Variants in RYR3 observed in about 807,000 individuals in gnomAD.
RYR3 encodes ryanodine receptor 3.
RYR3 carries 207 observed loss-of-function variants against 584.3 expected under a neutral mutation model. The observed-to-expected ratio is 0.35, with a 90% CI of 0.32 to 0.40. The LOEUF (loss-of-function observed/expected upper bound fraction) is 0.40. Ranked by LOEUF, RYR3 falls within the 10% of genes least tolerant of loss-of-function variation. The pLI is 1.00. For missense variants in RYR3, 5,616 were observed against 6,089.2 expected, an observed-to-expected ratio of 0.92 and a Z score of 2.59; for synonymous variants, 2,416 against 2,248.5, an observed-to-expected ratio of 1.07 and a Z score of -2.11.
At chr15:33,498,481 G>A (rs2051640682) in intron 2 of RYR3, among the ~76,000 whole-genome samples, 1 of 152,080 alleles carries the variant, frequency 6.6e-6, no homozygotes, top group Non-Finnish European at 1.5e-5. Context: ...CTTCTTTTGA[G>A]AAATGTTTAT....
intron 40 of RYR3, among the ~76,000 whole-genome samples, chr15:33,698,293 A>G (rs2152768092): frequency 6.6e-6 from 1 of 152,292 alleles, no homozygotes; most frequent in South Asian, 2.1e-4. Flanking sequence ...GGAATCACTC[A>G]CTTCCACTTA....
intron 1 of RYR3, among the ~76,000 whole-genome samples, chr15:33,351,439 G>A (rs1410541831): frequency 5.3e-5 from 8 of 149,774 alleles, no homozygotes; most frequent in East Asian, 2.0e-4. Context: ...TACCAAAGCC[G>A]GGCAGAGACA....
intron 38 of RYR3, among the ~76,000 whole-genome samples, chr15:33,678,906 TC>T (rs949336740): frequency 6.6e-6 from 1 of 152,158 alleles, no homozygotes; most frequent in African/African-American, 2.4e-5. Flanking sequence ...AATCACAACA[TC>T]CTTGTTCTAG....
chr15:33,668,352 CAAAATT>C (rs1213676175), intron 36 of RYR3, among the ~76,000 whole-genome samples: 1 of 151,626 alleles, frequency 6.6e-6, no homozygotes, highest in Non-Finnish European at 1.5e-5. Flanking sequence ...AACTTGTAGA[CAAAATT>C]AAAAGCTGAC....
Position 33,837,621 on chromosome 15 carries a change from T to C in RYR3, c.11651-10T>C. 6.4e-7 allele frequency: 1 copy of C among 1,560,280 alleles called. No individual in the cohort carries two copies. Among genetic ancestry groups the C allele is most frequent in the East Asian group, 2.3e-5 (1 of 44,154 alleles). On this transcript the variant is annotated splice_polypyrimidine_tract_variant and intron_variant, in intron 88 of 103. Transcript: ENST00000634891. ...GTATATTTGTATGTCTTTTTGAACC[T>C]GCCTCACAGGGAATGTGGTAAATGG...
At chr15:33,537,662 G>A (rs543990864) in intron 5 of RYR3, among the ~76,000 whole-genome samples, 4 of 152,242 alleles carry the variant, frequency 2.6e-5, no homozygotes, top group East Asian at 1.9e-4. Flanking sequence ...AGCTAAGAGC[G>A]TCTCTTGTGC....
At chr15:33,314,929 C>CA (rs201699049) in intron 1 of RYR3, among the ~76,000 whole-genome samples, 11,686 of 97,406 alleles carry the variant, frequency 0.12, 518 homozygotes, top group Middle Eastern at 0.16. Context: ...AAACAAACAA[C>CA]AAAAAAAAAA....
At chr15:33,682,411 C>A (rs1370088089) in intron 38 of RYR3, among the ~76,000 whole-genome samples, 2 of 151,832 alleles carry the variant, frequency 1.3e-5, no homozygotes, top group African/African-American at 2.4e-5. Flanking sequence ...CTAAACAATA[C>A]AGTGCCTTGG....
At chr15:33,489,418 C>G (rs969955697) in intron 2 of RYR3, among the ~76,000 whole-genome samples, 7 of 152,152 alleles carry the variant, frequency 4.6e-5, no homozygotes, top group African/African-American at 1.4e-4. Context: ...CTCATAAGCT[C>G]TCACCATTTA....
intron 27 of RYR3, among the ~76,000 whole-genome samples, chr15:33,642,197 A>G (rs2061868050): frequency 6.6e-6 from 1 of 152,114 alleles, no homozygotes; most frequent in Non-Finnish European, 1.5e-5. Context: ...CTAGGACATT[A>G]TTTTTATGTC....
chr15:33,857,890 T>C lies in RYR3; in HGVS notation c.14118T>C (p.Asp4706=), dbSNP rs113189230. The change falls in exon 99 of 104, where the codon GAT becomes GAC. Residue 4706 remains aspartate, a synonymous_variant. Transcript: ENST00000634891. ...AAAGCGAAGACGATGACGAGCCCGA[T>C]ATGAAGTGCGACGACATGATGACGG... ...YNKSEDDDEP[D]MKCDDMMTCY... 2.4e-3 allele frequency: 3,879 copies of C among 1,614,152 alleles called. 82 individuals carry two copies. In the African/African-American group the frequency reaches 0.046, roughly 19 times the overall value.
intron 1 of RYR3, among the ~76,000 whole-genome samples, chr15:33,468,298 C>T (rs886102321): frequency 2.6e-5 from 4 of 152,110 alleles, no homozygotes; most frequent in Non-Finnish European, 5.9e-5. Context: ...GTACCTAACC[C>T]CTCTGAGTTT....
chr15:33,537,035 A>G (rs1350827750), intron 5 of RYR3, among the ~76,000 whole-genome samples: 5 of 152,178 alleles, frequency 3.3e-5, no homozygotes, highest in Non-Finnish European at 1.5e-5. Context: ...TATCAAATCA[A>G]TATTAACTAC....
chr15:33,335,349 T>C (rs1970835688), intron 1 of RYR3, among the ~76,000 whole-genome samples: 1 of 152,174 alleles, frequency 6.6e-6, no homozygotes, highest in Non-Finnish European at 1.5e-5. Context: ...TATGCAGCCA[T>C]AGAAAAGAAT....
chr15:33,516,478 G>A (rs2053533546), intron 3 of RYR3, among the ~76,000 whole-genome samples: 1 of 151,844 alleles, frequency 6.6e-6, no homozygotes, highest in Non-Finnish European at 1.5e-5. Context: ...CGAGTAGCTG[G>A]GATTACAGAT....
intron 1 of RYR3, among the ~76,000 whole-genome samples, chr15:33,449,537 A>G (rs1007223362): frequency 1.3e-5 from 2 of 151,942 alleles, no homozygotes; most frequent in African/African-American, 4.9e-5. Flanking sequence ...TCTACATAAC[A>G]TAGTGTGAAT....
chr15:33,454,869 G>A (rs1169164882), intron 1 of RYR3, among the ~76,000 whole-genome samples: 1 of 152,132 alleles, frequency 6.6e-6, no homozygotes, highest in African/African-American at 2.4e-5. Flanking sequence ...TAGAGAAGAG[G>A]GCAGGAACCA....
intron 20 of RYR3, among the ~76,000 whole-genome samples, chr15:33,624,597 G>A (rs1264445708): frequency 3.9e-5 from 6 of 152,198 alleles, no homozygotes; most frequent in Non-Finnish European, 8.8e-5. Flanking sequence ...GAAGAGGGAG[G>A]AGCAAGTAGG....
At chr15:33,337,248 C>T (rs775997352) in intron 1 of RYR3, among the ~76,000 whole-genome samples, 15 of 151,680 alleles carry the variant, frequency 9.9e-5, no homozygotes, top group Non-Finnish European at 1.9e-4. Context: ...AGGTCAGATT[C>T]CTAGAGGAAT....
Sources: allele counts gnomAD v4.1 joint callset (sites outside exome capture counted in the v4.1 genomes callset), GRCh38; gene constraint gnomAD v4.1.1; transcripts MANE v1.5; gene names NCBI Gene and HGNC (gene_info 2026-07-23, HGNC 2026-07-21).